The following BANK1 variants were observed in gnomAD, a reference collection of about 807,000 sequenced individuals.
The protein encoded by BANK1 is B-cell scaffold protein with ankyrin repeats.
A neutral mutation model predicts 94.5 loss-of-function variants in BANK1; 95 were observed. The observed-to-expected ratio is 1.00, with a 90% CI of 0.85 to 1.19. The LOEUF (loss-of-function observed/expected upper bound fraction) is 1.19, where lower values mean the gene tolerates loss of function less well. Ranked by LOEUF, BANK1 falls within the 50% of genes most tolerant of loss-of-function variation. The probability of loss-of-function intolerance (pLI) is 0.00; values close to 1 mark genes in which losing one functional copy is unlikely to be tolerated. For synonymous variants in BANK1, 334 were observed against 308.4 expected (o/e 1.08, Z -0.87); for missense variants, 987 against 932.2 (o/e 1.06, Z -0.77).
intron 5 of BANK1, among the ~76,000 whole-genome samples, chr4:101,874,137 T>G (rs1186507491): frequency 1.3e-5 from 2 of 152,198 alleles, no homozygotes; most frequent in Non-Finnish European, 2.9e-5. Flanking sequence ...TATTGAAATA[T>G]TATTTTCATT....
intron 5 of BANK1, among the ~76,000 whole-genome samples, chr4:101,893,603 A>G (rs770744706): frequency 1.3e-5 from 2 of 152,024 alleles, no homozygotes; most frequent in Non-Finnish European, 2.9e-5. Context: ...TAAAGTGTCA[A>G]CATATTACCA....
intron 7 of BANK1, among the ~76,000 whole-genome samples, chr4:101,986,226 T>C (rs888087059): frequency 1.3e-5 from 2 of 152,088 alleles, no homozygotes; most frequent in Non-Finnish European, 2.9e-5. Context: ...ATTTTAGGCA[T>C]TCAAGACACA....
At chr4:101,907,561 C>G (rs1447105558) in intron 6 of BANK1, among the ~76,000 whole-genome samples, 1 of 152,114 alleles carries the variant, frequency 6.6e-6, no homozygotes, top group Non-Finnish European at 1.5e-5. Context: ...CCAGGGCAAT[C>G]AGGCAGGAGA....
At chr4:101,821,404 G>T (rs910856938) in intron 1 of BANK1, among the ~76,000 whole-genome samples, 1 of 152,112 alleles carries the variant, frequency 6.6e-6, no homozygotes, top group African/African-American at 2.4e-5. Flanking sequence ...TCTGTACGTT[G>T]TCTGTTCACT....
chr4:102,040,800 T>C (rs1031896710), intron 10 of BANK1, among the ~76,000 whole-genome samples: 2 of 152,038 alleles, frequency 1.3e-5, no homozygotes, highest in Non-Finnish European at 2.9e-5. Context: ...GAAAGAAGAA[T>C]TGGTAACATC....
At chr4:101,979,691 A>G (rs557645573) in intron 7 of BANK1, among the ~76,000 whole-genome samples, 5 of 151,986 alleles carry the variant, frequency 3.3e-5, no homozygotes, top group Non-Finnish European at 7.4e-5. Context: ...ACATATGTGT[A>G]TATGTAAGAA....
chr4:101,847,957 C>G (rs1252292289), intron 2 of BANK1, among the ~76,000 whole-genome samples: 2 of 152,168 alleles, frequency 1.3e-5, no homozygotes, highest in African/African-American at 4.8e-5. Flanking sequence ...CCCTGCTCCT[C>G]TGGCCATCTT....
chr4:102,017,454 G>A (rs1184066530), intron 7 of BANK1, among the ~76,000 whole-genome samples: 3 of 152,196 alleles, frequency 2.0e-5, no homozygotes, highest in Admixed American at 6.5e-5. Flanking sequence ...TTTCAGCACT[G>A]GGACCAGGGG....
At chr4:101,909,324 T>C (rs1425906159) in intron 6 of BANK1, among the ~76,000 whole-genome samples, 10 of 152,136 alleles carry the variant, frequency 6.6e-5, no homozygotes, top group Admixed American at 4.6e-4. Flanking sequence ...TTCTCACTCA[T>C]AGGTGAGAAT....
chr4:102,009,747 A>G (rs1218608736), intron 7 of BANK1, among the ~76,000 whole-genome samples: 7 of 152,264 alleles, frequency 4.6e-5, no homozygotes, highest in Admixed American at 2.0e-4. Flanking sequence ...TTAAATGTTA[A>G]CATAAGTACA....
At chr4:101,886,368 G>T (rs1728855916) in intron 5 of BANK1, among the ~76,000 whole-genome samples, 1 of 152,130 alleles carries the variant, frequency 6.6e-6, no homozygotes, top group African/African-American at 2.4e-5. Context: ...AGAAAGGAAA[G>T]AATCAAATGA....
At chr4:102,057,241 G>GCT (rs904468077) in intron 11 of BANK1, among the ~76,000 whole-genome samples, 2 of 140,820 alleles carry the variant, frequency 1.4e-5, no homozygotes, top group East Asian at 2.1e-4. Flanking sequence ...TCTCTCTCTT[G>GCT]CTCTCTCTCT....
intron 11 of BANK1, among the ~76,000 whole-genome samples, chr4:102,050,454 C>A (rs764142434): frequency 6.6e-6 from 1 of 152,040 alleles, no homozygotes; most frequent in Non-Finnish European, 1.5e-5. Context: ...GACTAAAAGT[C>A]GAATAGATGA....
At chr4:101,890,697 A>G (rs1250459358) in intron 5 of BANK1, among the ~76,000 whole-genome samples, 4 of 148,138 alleles carry the variant, frequency 2.7e-5, no homozygotes, top group Middle Eastern at 7.2e-3. Flanking sequence ...TTTGTTTTTA[A>G]TTTTCTCTGT....
At chr4:101,956,953 G>T (rs1294539120) in intron 7 of BANK1, among the ~76,000 whole-genome samples, 1 of 152,160 alleles carries the variant, frequency 6.6e-6, no homozygotes, top group East Asian at 1.9e-4. Context: ...TTCATATCTT[G>T]ATCTTGCCCA....
At chr4:101,863,561 T>C (rs188986671) in intron 4 of BANK1, among the ~76,000 whole-genome samples, 85 of 152,260 alleles carry the variant, frequency 5.6e-4, no homozygotes, top group Non-Finnish European at 7.9e-4. Flanking sequence ...TTACAAAGCA[T>C]TTACAGACTT....
chr4:101,926,230 A>C (rs116440273), intron 7 of BANK1, among the ~76,000 whole-genome samples: 3,935 of 151,778 alleles, frequency 0.026, 177 homozygotes, highest in African/African-American at 0.091. Context: ...TTATGAAAAA[A>C]CAAGAATATT....
chr4:101,871,709 T>C (rs1427802909), intron 5 of BANK1, among the ~76,000 whole-genome samples: 1 of 152,126 alleles, frequency 6.6e-6, no homozygotes, highest in East Asian at 1.9e-4. Context: ...ACTGTTTCAT[T>C]TTCTTGTGAC....
In BANK1 at chr4:101,985,465, T is replaced by A. The variant is rs185501231; in HGVS notation, c.1207-36049T>A. On this transcript the variant is annotated intron_variant, in intron 7 of 16. Transcript: ENST00000322953. ...AACAATCACTAAATCTGGTTTTTTTTAATTTAGTTTTCAAAATTTATTACT... is the reference window on the plus strand; with the variant it reads ...AACAATCACTAAATCTGGTTTTTTTAAATTTAGTTTTCAAAATTTATTACT... Among the ~76,000 whole-genome samples, 14 of 152,282 alleles carry A rather than the reference T, an allele frequency of 9.2e-5. No individual in the cohort carries two copies. In the South Asian group the frequency reaches 1.0e-3, roughly 11 times the overall value.
Sources: allele counts gnomAD v4.1 joint callset (sites outside exome capture counted in the v4.1 genomes callset), GRCh38; gene constraint gnomAD v4.1.1; transcripts MANE v1.5; gene names NCBI Gene and HGNC (gene_info 2026-07-23, HGNC 2026-07-21).